Variants in FKBP9 observed in about 807,000 individuals in gnomAD.
FKBP9 encodes the protein FKBP prolyl isomerase 9, also known as peptidyl-prolyl cis-trans isomerase FKBP9.
A neutral mutation model predicts 55.6 loss-of-function variants in FKBP9; 27 were observed. The observed-to-expected ratio is 0.49, with a 90% CI of 0.36 to 0.67. The LOEUF is 0.67. Ranked by LOEUF, FKBP9 falls within the 30% of genes least tolerant of loss-of-function variation. The pLI is 0.00. For missense variants in FKBP9, 539 were observed against 742.8 expected (o/e 0.73, Z 3.19); for synonymous variants, 267 against 296.5 (o/e 0.90, Z 1.02).
At chr7:32,963,812 C>G in intron 1 of FKBP9, 1 of 1,206,986 alleles carries the variant, frequency 8.3e-7, no homozygotes, top group Non-Finnish European at 1.0e-6. Context: ...CTCTGGGATC[C>G]AGCACCAGCG....
intron 5 of FKBP9, among the ~76,000 whole-genome samples, chr7:32,984,176 TG>T (rs1784534092): frequency 6.6e-6 from 1 of 151,090 alleles, no homozygotes; most frequent in African/African-American, 2.5e-5. Context: ...AGCCTTTTAA[TG>T]GTTTTTTTTT....
intron 6 of FKBP9, among the ~76,000 whole-genome samples, chr7:32,991,786 G>C (rs904587359): frequency 6.6e-6 from 1 of 152,210 alleles, no homozygotes; most frequent in African/African-American, 2.4e-5. Context: ...GATTCTGCCT[G>C]CGAGGATGTG....
At chr7:32,971,363 G>A (rs1249973711) in intron 1 of FKBP9, among the ~76,000 whole-genome samples, 3 of 152,142 alleles carry the variant, frequency 2.0e-5, no homozygotes, top group Non-Finnish European at 4.4e-5. Flanking sequence ...TTGGTTTTTA[G>A]CACTTTGGTG....
intron 6 of FKBP9, among the ~76,000 whole-genome samples, chr7:32,995,599 G>A (rs1425557494): frequency 3.3e-5 from 5 of 152,190 alleles, no homozygotes; most frequent in Non-Finnish European, 5.9e-5. Flanking sequence ...AAATAATTTA[G>A]TATAGAACAA....
intron 7 of FKBP9, 135 bp downstream of exon 7, chr7:32,996,484 C>A (rs900064378): frequency 7.9e-6 from 5 of 633,898 alleles, no homozygotes; most frequent in Non-Finnish European, 1.4e-5. Flanking sequence ...CTCGTGGCTG[C>A]ATCACTGCTC....
intron 1 of FKBP9, among the ~76,000 whole-genome samples, chr7:32,969,261 C>T (rs149556755): frequency 3.0e-3 from 458 of 152,176 alleles, no homozygotes; most frequent in African/African-American, 0.01. Flanking sequence ...TCCTCTTTGT[C>T]TGTTTTTGTT....
intron 1 of FKBP9, 42 bp downstream of exon 1, chr7:32,957,836 C>T (rs1210430436): frequency 7.3e-7 from 1 of 1,363,614 alleles, no homozygotes. Context: ...AGCGGATGCG[C>T]GTCCCTCTCT....
At chr7:32,975,655 T>TC (rs1784350523) in intron 3 of FKBP9, among the ~76,000 whole-genome samples, 1 of 151,420 alleles carries the variant, frequency 6.6e-6, no homozygotes, top group Admixed American at 6.6e-5. Flanking sequence ...TTTCTTTCTT[T>TC]TTTTTTTTTG....
intron 9 of FKBP9, 53 bp from the exon 10 acceptor site, chr7:33,005,122 C>G (rs554348876): frequency 1.3e-6 from 2 of 1,589,738 alleles, no homozygotes; most frequent in African/African-American, 2.7e-5. Flanking sequence ...GGCCCCAGGC[C>G]TGGCGTTCAT....
Position 33,002,733 on chromosome 7 carries a change from T to C in FKBP9, c.1430T>C (p.Val477Ala). ...LVFDIELLEL[V>A]AGLPEGYMFI... ...TTTGACATTGAGCTGCTGGAGCTGG[T>C]GGCTGGCCTTCCTGAGGGGTACATG... The change falls in exon 9 of 10, where the codon GTG (valine) becomes GCG (alanine). Residue 477 changes from valine to alanine, a missense_variant. Around this residue, in one of 4 missense-constraint regions of FKBP9, gnomAD observed 102 missense variants for 200.7 expected, o/e 0.51. Transcript: ENST00000242209. 6.2e-7 allele frequency: 1 copy of C among 1,614,202 alleles called. No homozygotes were observed. The highest frequency in any genetic ancestry group is 8.5e-7 in the Non-Finnish European group (1 of 1,180,026).
At chr7:32,995,637 G>A (rs1784770008) in intron 6 of FKBP9, among the ~76,000 whole-genome samples, 1 of 152,186 alleles carries the variant, frequency 6.6e-6, no homozygotes, top group African/African-American at 2.4e-5. Context: ...AGCACCTTGT[G>A]ACTGTTAGGT....
chr7:32,978,572 T>G (rs1174157457), intron 4 of FKBP9, among the ~76,000 whole-genome samples: 8 of 151,974 alleles, frequency 5.3e-5, no homozygotes, highest in Non-Finnish European at 8.8e-5. Flanking sequence ...TACCCAGGCT[T>G]ACCTGGAAAT....
intron 4 of FKBP9, chr7:32,979,441 G>A (rs1218902342): frequency 6.8e-6 from 9 of 1,324,640 alleles, no homozygotes; most frequent in Non-Finnish European, 9.6e-6. Flanking sequence ...TCAGCAGCCG[G>A]CTTTCAGCAG....
intron 3 of FKBP9, among the ~76,000 whole-genome samples, chr7:32,976,082 C>G (rs1031782669): frequency 6.6e-6 from 1 of 152,132 alleles, no homozygotes; most frequent in Admixed American, 6.6e-5. Context: ...ATCAGGGAAC[C>G]CTTCGCAATT....
chr7:32,999,530 A>G (rs1423878227), intron 7 of FKBP9, among the ~76,000 whole-genome samples: 1 of 150,666 alleles, frequency 6.6e-6, no homozygotes, highest in African/African-American at 2.4e-5. Flanking sequence ...TTTACACCTC[A>G]AGGCCAAACA....
At chr7:32,981,896 C>CA (rs535925227) in intron 5 of FKBP9, among the ~76,000 whole-genome samples, 338 of 98,022 alleles carry the variant, frequency 3.4e-3, no homozygotes, top group African/African-American at 8.8e-3. Context: ...GACTCTGTCT[C>CA]AAAAAAAAAA....
At chr7:32,979,519 C>G in intron 4 of FKBP9, 1 of 1,550,530 alleles carries the variant, frequency 6.4e-7, no homozygotes, top group Admixed American at 2.0e-5. Context: ...GGAAGGAGCT[C>G]AGGCTTGGCG....
rs527552431 is a variant in FKBP9 at position 32,957,463 on chromosome 7, C to T, written c.-111C>T. 9 of 785,290 alleles carry T rather than the reference C, an allele frequency of 1.1e-5. No individual in the cohort carries two copies. Among genetic ancestry groups the T allele is most frequent in the East Asian group, 1.0e-4 (3 of 28,650 alleles). The allele number at this position is 785,290 out of a possible 1,614,324, so 48.6% of individuals were successfully genotyped here. A position where few individuals can be genotyped will look rare whatever the true frequency, so the allele number is the denominator to read the frequency against. On this transcript the variant is annotated 5_prime_UTR_variant, in exon 1 of 10. Transcript: ENST00000242209. ...GGGAGACGGGGTGGCGGCTGCAGCCCGGGTAGGGCCAGGAGACCCGGTCCA... is the reference window on the plus strand; with the variant it reads ...GGGAGACGGGGTGGCGGCTGCAGCCTGGGTAGGGCCAGGAGACCCGGTCCA...
chr7:32,971,920 C>T (rs1784261062), intron 1 of FKBP9, among the ~76,000 whole-genome samples: 1 of 151,980 alleles, frequency 6.6e-6, no homozygotes, highest in South Asian at 2.1e-4. Flanking sequence ...CTACTGTGCC[C>T]AATAAATAAT....
Sources: gnomAD v4.1 joint callset for allele counts (sites outside exome capture counted in the v4.1 genomes callset) on GRCh38, gnomAD v4.1.1 for gene constraint, gnomAD v4.1.1 regional missense constraint, MANE v1.5 for transcripts, NCBI Gene and HGNC (gene_info 2026-07-23, HGNC 2026-07-21) for gene names.